The following GID4 variants were observed in gnomAD, a reference collection of about 807,000 sequenced individuals.
GID4 encodes glucose-induced degradation protein 4 homolog.
Under a neutral mutation model 32.4 loss-of-function variants are expected in GID4, and 7 were observed. That is an observed-to-expected ratio of 0.22 (90% CI 0.12 to 0.41). GID4 has a LOEUF of 0.41. Among genes scored for constraint, GID4 ranks in the 10% least tolerant of loss-of-function variants. The pLI, the probability that GID4 is intolerant of heterozygous loss-of-function variation, is 1.00. For synonymous variants in GID4, 166 were observed against 170.0 expected (o/e 0.98, Z 0.18); for missense variants, 309 against 400.0 (o/e 0.77, Z 1.94).
At chr17:18,057,104 A>G in intron 3 of GID4, 2 of 1,476,800 alleles carry the variant, frequency 1.4e-6, no homozygotes, top group South Asian at 2.8e-5. Context: ...CTATAAAGTC[A>G]GGATTCCATA....
chr17:18,052,075 C>G (rs1353864824), intron 2 of GID4, among the ~76,000 whole-genome samples: 1 of 99,570 alleles, frequency 1.0e-5, no homozygotes, highest in Non-Finnish European at 2.4e-5. Flanking sequence ...CTCTGTCCCT[C>G]CCCCCAAAAA....
At position 18,054,111 on chromosome 17, in the gene GID4, TG is replaced by T. The variant is rs1261148035; in HGVS notation, c.499-13del. ...TCACTCAACATCTTATTTTGATATT[TG>T]GGTTTTTACCATAGGAGTATCCAAC... On this transcript the variant is annotated splice_polypyrimidine_tract_variant and intron_variant, in intron 2 of 5. Coordinates refer to ENST00000268719, the MANE Select transcript of GID4 (RefSeq NM_024052.5). 2 of 1,355,328 alleles carry T rather than the reference TG, an allele frequency of 1.5e-6. No homozygotes were observed. Among genetic ancestry groups the T allele is most frequent in the Admixed American group, 3.6e-5 (2 of 55,086 alleles). 84.0% of individuals were successfully genotyped at this position (1,355,328 alleles called of 1,614,324 possible). A position where few individuals can be genotyped will look rare whatever the true frequency, so the allele number is the denominator to read the frequency against.
chr17:18,065,064 A>G, intron 5 of GID4, 116 bp from the exon 6 acceptor site: 1 of 736,518 alleles, frequency 1.4e-6, no homozygotes, highest in Non-Finnish European at 2.4e-6. Context: ...ATGAATGTGC[A>G]TTTCAGTCCA....
Position 18,068,246 on chromosome 17 carries a change from T to A in GID4, c.*3003T>A, listed in dbSNP as rs985213606. ...ATATTTGATTTTGAATCTTAAATGT[T>A]TTTAAAAATTAGACTTGAATGGGCA... On this transcript the variant is annotated 3_prime_UTR_variant, in exon 6 of 6. Coordinates refer to ENST00000268719, the MANE Select transcript of GID4 (RefSeq NM_024052.5). 1 of 152,636 alleles carries A rather than the reference T, an allele frequency of 6.6e-6. No homozygotes were observed. The highest frequency in any genetic ancestry group is 2.4e-5 in the African/African-American group (1 of 41,452). 9.5% of individuals were successfully genotyped at this position (152,636 alleles called of 1,614,324 possible). A position where few individuals can be genotyped will look rare whatever the true frequency, so the allele number is the denominator to read the frequency against.
At chr17:18,056,941 G>A (rs1164189961) in intron 3 of GID4, 16 of 1,550,450 alleles carry the variant, frequency 1.0e-5, no homozygotes, top group African/African-American at 6.8e-5. Flanking sequence ...GGGACTCCTG[G>A]AGCTCTGTAC....
At position 18,040,444 on chromosome 17, in the gene GID4, AC is replaced by A. The variant is rs146816970; in HGVS notation, c.438+547del. Among the ~76,000 whole-genome samples the A allele has an allele frequency of 5.3e-3, 800 of 151,688 alleles. 6 individuals are homozygous for A. Among genetic ancestry groups the A allele is most frequent in the East Asian group, 0.031 (160 of 5,120 alleles). On this transcript the variant is annotated intron_variant, in intron 1 of 5. Transcript: ENST00000268719. The stretch of plus-strand genomic sequence containing the variant: ...GATCTCCTTAGGAGGGCTTCATCAG[AC>A]CCCCAGACGGGGGAGCACCTAACCC...
At chr17:18,045,556 A>T (rs1236750663) in intron 2 of GID4, among the ~76,000 whole-genome samples, 1 of 152,152 alleles carries the variant, frequency 6.6e-6, no homozygotes, top group East Asian at 1.9e-4. Flanking sequence ...GTCCTATAAA[A>T]AATGAGCTTT....
At position 18,056,622 on chromosome 17, in the gene GID4, T is replaced by G. The variant is rs2044969770; in HGVS notation, c.607-2246T>G. On this transcript the variant is annotated intron_variant, in intron 3 of 5. Coordinates refer to ENST00000268719, the MANE Select transcript of GID4 (RefSeq NM_024052.5). ...AAAAAGCAAAGTCTTTGAGGCCCAG[T>G]GACACTCAGTTTTAGGCTAGGTTGA... 4.3e-6 allele frequency: 6 copies of G among 1,391,782 alleles called. No individual in the cohort carries two copies. The Admixed American group carries it at 1.1e-4, about 25-fold the overall frequency. The allele number at this position is 1,391,782 out of a possible 1,614,324, so 86.2% of individuals were successfully genotyped here. A position where few individuals can be genotyped will look rare whatever the true frequency, so the allele number is the denominator to read the frequency against.
chr17:18,065,803 T>C lies in GID4; in HGVS notation c.*560T>C, dbSNP rs2045056993. The stretch of plus-strand genomic sequence containing the variant: ...CAGTCCCTGCTGGGCTGCCTCAGTC[T>C]TCAGTGCTGATTGTGTCACGGGTCA... On this transcript the variant is annotated 3_prime_UTR_variant, in exon 6 of 6. Coordinates refer to ENST00000268719, the MANE Select transcript of GID4 (RefSeq NM_024052.5). 2 of 176,452 alleles carry C rather than the reference T, an allele frequency of 1.1e-5. No individual in the cohort carries two copies. Among genetic ancestry groups the C allele is most frequent in the South Asian group, 2.7e-4 (2 of 7,288 alleles). The allele number at this position is 176,452 out of a possible 1,614,324, so 10.9% of individuals were successfully genotyped here.
At chr17:18,063,898 A>G (rs1277384848) in intron 5 of GID4, among the ~76,000 whole-genome samples, 1 of 151,886 alleles carries the variant, frequency 6.6e-6, no homozygotes. Context: ...GCCTGCCACC[A>G]CGTCTGGCTA....
intron 5 of GID4, 141 bp downstream of exon 5, chr17:18,062,116 C>A: frequency 1.3e-6 from 1 of 750,912 alleles, no homozygotes; most frequent in Admixed American, 2.3e-5. Flanking sequence ...GAGCTTATTT[C>A]AGTGATCTCA....
chr17:18,054,034 G>T (rs17731766), intron 2 of GID4, 93 bp from the exon 3 acceptor site: 62,491 of 674,192 alleles, frequency 0.093, 3,808 homozygotes, highest in Non-Finnish European at 0.12. Flanking sequence ...CTAGGTACTG[G>T]AAAGAAGTTA....
At position 18,039,748 on chromosome 17, in the gene GID4, GTGCCTCCGC is replaced by G. The variant is rs760271660; in HGVS notation, c.294_302del (p.Ala101_Ser103del). On this transcript the variant is annotated inframe_deletion, in exon 1 of 6. Coordinates refer to ENST00000268719, the MANE Select transcript of GID4 (RefSeq NM_024052.5). This position sits in a 1 kb window ranked among gnomAD's most constrained non-coding sequence, Gnocchi z 5.3. ...CGCACCGAGTGTCCCCCGCCGGCCG[GTGCCTCCGC>G]TGCCTCCGCGGCCTCACTCATCCCG... The G allele has an allele frequency of 2.3e-5, 36 of 1,552,640 alleles. 1 individual carries two copies. In the South Asian group the frequency reaches 2.4e-4, roughly 10 times the overall value.
At chr17:18,042,140 GT>G (rs1258338305) in intron 1 of GID4, among the ~76,000 whole-genome samples, 1 of 152,134 alleles carries the variant, frequency 6.6e-6, no homozygotes, top group Non-Finnish European at 1.5e-5. Context: ...CTTTTTGTTT[GT>G]TTTGTTTTGT....
intron 4 of GID4, 134 bp downstream of exon 4, chr17:18,059,103 G>T: frequency 1.6e-6 from 1 of 613,016 alleles, no homozygotes. Flanking sequence ...AGTCTTCATG[G>T]CAGGGTCTTT....
rs1321044097 is a variant in GID4 at position 18,067,924 on chromosome 17, G to C, written c.*2681G>C. Reference sequence around the variant, plus strand: ...ACTTCCACCCACCCACCCTTTTCAAGTTTAGATAGTGTTTCAGCTGCTGTC... The same window carrying C: ...ACTTCCACCCACCCACCCTTTTCAACTTTAGATAGTGTTTCAGCTGCTGTC... On this transcript the variant is annotated 3_prime_UTR_variant, in exon 6 of 6. Transcript: ENST00000268719. 6.6e-6 allele frequency: 1 copy of C among 152,546 alleles called. No homozygotes were observed. The highest frequency in any genetic ancestry group is 1.5e-5 in the Non-Finnish European group (1 of 68,032). The allele number at this position is 152,546 out of a possible 1,614,324, so 9.4% of individuals were successfully genotyped here.
At chr17:18,054,268 G>C in intron 3 of GID4, 34 bp downstream of exon 3, 1 of 1,294,812 alleles carries the variant, frequency 7.7e-7, no homozygotes, top group Non-Finnish European at 1.1e-6. Context: ...GGTCATCTAG[G>C]GGCTGCTAGA....
At chr17:18,053,075 G>A (rs2044929070) in intron 2 of GID4, among the ~76,000 whole-genome samples, 1 of 144,018 alleles carries the variant, frequency 6.9e-6, no homozygotes, top group Admixed American at 7.0e-5. Context: ...GAGTGCAATG[G>A]CGTGATCTCG....
At chr17:18,046,565 G>T (rs2044854294) in intron 2 of GID4, among the ~76,000 whole-genome samples, 2 of 151,938 alleles carry the variant, frequency 1.3e-5, no homozygotes, top group African/African-American at 4.8e-5. Context: ...CTGTGATCAT[G>T]CCTGTGAATA....
Sources: gnomAD v4.1 joint callset for allele counts (sites outside exome capture counted in the v4.1 genomes callset) on GRCh38, gnomAD v4.1.1 for gene constraint, Gnocchi (gnomAD v3.1) non-coding constraint, MANE v1.5 for transcripts, NCBI Gene and HGNC (gene_info 2026-07-23, HGNC 2026-07-21) for gene names.